ZNF704: variants seen among roughly 807,000 people sequenced by gnomAD.
The protein encoded by ZNF704 is glucocorticoid induced gene 1.
A neutral mutation model predicts 44.7 loss-of-function variants in ZNF704; 10 were observed. The observed-to-expected ratio is 0.22, with a 90% CI of 0.14 to 0.38. ZNF704 has a LOEUF of 0.38. Among genes scored for constraint, ZNF704 ranks in the 10% least tolerant of loss-of-function variants. The probability of loss-of-function intolerance (pLI) is 1.00; values close to 1 mark genes in which losing one functional copy is unlikely to be tolerated. For synonymous variants in ZNF704, 211 were observed against 207.6 expected, an observed-to-expected ratio of 1.02 and a Z score of -0.14; for missense variants, 390 against 545.5, an observed-to-expected ratio of 0.71 and a Z score of 2.84.
chr8:80,744,746 T>C (rs182206722), intron 2 of ZNF704, among the ~76,000 whole-genome samples: 5 of 152,274 alleles, frequency 3.3e-5, no homozygotes, highest in South Asian at 2.1e-4. Flanking sequence ...CCTTTTACCA[T>C]TGGGGAGGCC....
At chr8:80,856,630 GA>G (rs1435179683) in intron 1 of ZNF704, among the ~76,000 whole-genome samples, 3 of 151,990 alleles carry the variant, frequency 2.0e-5, no homozygotes, top group African/African-American at 7.2e-5. Flanking sequence ...ACTGTTAGTT[GA>G]AAAAATTTTT....
intron 8 of ZNF704, 110 bp downstream of exon 8, chr8:80,642,925 A>G: frequency 1.5e-6 from 1 of 646,276 alleles, no homozygotes; most frequent in Non-Finnish European, 2.3e-6. Context: ...GTGTTTTGTC[A>G]ATTGTGGAGA....
intron 2 of ZNF704, among the ~76,000 whole-genome samples, chr8:80,764,203 C>T (rs1807188583): frequency 6.6e-6 from 1 of 152,148 alleles, no homozygotes; most frequent in African/African-American, 2.4e-5. Context: ...TTGGTAAATA[C>T]ACTGCTATAA....
intron 2 of ZNF704, among the ~76,000 whole-genome samples, chr8:80,782,669 G>A (rs997135592): frequency 6.6e-6 from 1 of 152,124 alleles, no homozygotes; most frequent in Non-Finnish European, 1.5e-5. Flanking sequence ...GACGACCAGG[G>A]TAAGAAAGAG....
chr8:80,763,894 A>G (rs918211695), intron 2 of ZNF704, among the ~76,000 whole-genome samples: 9 of 152,134 alleles, frequency 5.9e-5, no homozygotes, highest in Non-Finnish European at 1.3e-4. Flanking sequence ...ACAGGGGCAA[A>G]ATGCTGCCAG....
rs1048873075 is a variant in ZNF704 at position 80,737,646 on chromosome 8, A to G, written c.222-44539T>C. ...TATCTTTTGAAGGAAGGGGTATGAA[A>G]GAATTTGTGAACATATGTTTTTAAA... is the stretch of plus-strand genomic sequence containing the variant. On this transcript the variant is annotated intron_variant, in intron 2 of 8. Coordinates refer to ENST00000327835, the MANE Select transcript of ZNF704 (RefSeq NM_001033723.3). Among the ~76,000 whole-genome samples, 5 of 152,242 alleles carry G rather than the reference A, an allele frequency of 3.3e-5. No individual in the cohort carries two copies. The East Asian group carries it at 7.7e-4, about 23-fold the overall frequency.
intron 7 of ZNF704, among the ~76,000 whole-genome samples, chr8:80,656,666 T>C (rs893299380): frequency 1.3e-5 from 2 of 152,174 alleles, no homozygotes; most frequent in African/African-American, 4.8e-5. Flanking sequence ...AAATCTAGCA[T>C]AGGCAAATGA....
chr8:80,810,047 A>T (rs917111722), intron 2 of ZNF704, among the ~76,000 whole-genome samples: 10 of 152,086 alleles, frequency 6.6e-5, no homozygotes, highest in South Asian at 6.2e-4. Flanking sequence ...TTGCTTTTGT[A>T]CTGGCCAAAG....
chr8:80,694,475 T>C (rs1000992393), intron 2 of ZNF704, among the ~76,000 whole-genome samples: 4 of 152,194 alleles, frequency 2.6e-5, no homozygotes, highest in Non-Finnish European at 4.4e-5. Flanking sequence ...TAGAGAACAG[T>C]TGAAGAAGCC....
At chr8:80,701,000 A>T (rs1260964959) in intron 2 of ZNF704, among the ~76,000 whole-genome samples, 1 of 152,042 alleles carries the variant, frequency 6.6e-6, no homozygotes, top group Non-Finnish European at 1.5e-5. Flanking sequence ...CTTCTGACCT[A>T]GAACAGCTTG....
At chr8:80,851,394 A>T (rs538475282) in intron 1 of ZNF704, among the ~76,000 whole-genome samples, 1 of 152,196 alleles carries the variant, frequency 6.6e-6, no homozygotes, top group East Asian at 1.9e-4. Context: ...TGCAGCCATA[A>T]AAAAATGATG....
At chr8:80,671,144 T>TCAGAGATGGGTC (rs2131615977) in intron 4 of ZNF704, among the ~76,000 whole-genome samples, 1 of 152,258 alleles carries the variant, frequency 6.6e-6, no homozygotes, top group Non-Finnish European at 1.5e-5. Flanking sequence ...TCCTTTTTTT[T>TCAGAGATGGGTC]CAGAGATGGG....
rs151054829 is a variant in ZNF704 at position 80,677,480 on chromosome 8, T to G, written c.559-6877A>C. 7.3e-3 allele frequency among the ~76,000 whole-genome samples: 1,112 copies of G among 152,358 alleles called. 8 individuals are homozygous for G. Among genetic ancestry groups the G allele is most frequent in the Non-Finnish European group, 0.012 (803 of 68,030 alleles). On this transcript the variant is annotated intron_variant, in intron 4 of 8. Transcript: ENST00000327835. ...CCCAGAATCCAAGGAAGCTGACCAT[T>G]ATCCTCTGTCAAGTCACTTGGAATT...
intron 6 of ZNF704, among the ~76,000 whole-genome samples, chr8:80,663,829 G>C (rs1453121017): frequency 6.6e-6 from 1 of 151,832 alleles, no homozygotes; most frequent in Non-Finnish European, 1.5e-5. Flanking sequence ...CTGGGCTCAG[G>C]TGATCCTCCC....
chr8:80,679,120 T>C (rs974889723), intron 4 of ZNF704, among the ~76,000 whole-genome samples: 2 of 152,170 alleles, frequency 1.3e-5, no homozygotes, highest in Non-Finnish European at 2.9e-5. Flanking sequence ...GGGTTAGGGT[T>C]AATAATGGCC....
intron 7 of ZNF704, among the ~76,000 whole-genome samples, chr8:80,654,883 C>A (rs187367677): frequency 6.6e-6 from 1 of 152,322 alleles, no homozygotes; most frequent in Non-Finnish European, 1.5e-5. Context: ...TATAAAGACA[C>A]ATGCACACGT....
chr8:80,856,965 TAA>T (rs1808973257), intron 1 of ZNF704, among the ~76,000 whole-genome samples: 1 of 152,182 alleles, frequency 6.6e-6, no homozygotes, highest in African/African-American at 2.4e-5. Flanking sequence ...TTAACCATAT[TAA>T]GTTTCTAAAT....
intron 7 of ZNF704, among the ~76,000 whole-genome samples, chr8:80,659,360 T>C (rs1371458291): frequency 6.6e-6 from 1 of 152,198 alleles, no homozygotes; most frequent in African/African-American, 2.4e-5. Flanking sequence ...AACAAGTTGT[T>C]TATGAACAGT....
chr8:80,805,803 T>C (rs1807979935), intron 2 of ZNF704, among the ~76,000 whole-genome samples: 1 of 152,174 alleles, frequency 6.6e-6, no homozygotes, highest in South Asian at 2.1e-4. Context: ...TGCCTGACTT[T>C]GATTTTTAAT....
Sources: gnomAD v4.1 joint callset for allele counts (sites outside exome capture counted in the v4.1 genomes callset) on GRCh38, gnomAD v4.1.1 for gene constraint, MANE v1.5 for transcripts, NCBI Gene and HGNC (gene_info 2026-07-23, HGNC 2026-07-21) for gene names.